PTPRK: variants seen among roughly 807,000 people sequenced by gnomAD.
PTPRK encodes the protein protein tyrosine phosphatase receptor type K.
PTPRK carries 75 observed loss-of-function variants against 178.0 expected under a neutral mutation model. That is an observed-to-expected ratio of 0.42 (90% CI 0.35 to 0.51). The LOEUF is 0.51. PTPRK is among the 20% of genes least tolerant of loss of function. The probability of loss-of-function intolerance (pLI) is 0.02; values close to 1 mark genes in which losing one functional copy is unlikely to be tolerated. For synonymous variants in PTPRK, 637 were observed against 620.6 expected (o/e 1.03, Z -0.39); for missense variants, 1,441 against 1,797.8 (o/e 0.80, Z 3.59).
intron 6 of PTPRK, among the ~76,000 whole-genome samples, chr6:128,211,537 A>G (rs1424844312): frequency 6.6e-6 from 1 of 152,144 alleles, no homozygotes; most frequent in Non-Finnish European, 1.5e-5. Context: ...ATAAATAATT[A>G]CATATTATTA....
intron 11 of PTPRK, among the ~76,000 whole-genome samples, chr6:128,068,722 A>G (rs1782276989): frequency 1.3e-5 from 2 of 150,998 alleles, no homozygotes; most frequent in South Asian, 4.1e-4. Context: ...ATGAAAGTTG[A>G]CATTATTATT....
At chr6:128,139,960 A>G (rs994794265) in intron 7 of PTPRK, among the ~76,000 whole-genome samples, 4 of 152,040 alleles carry the variant, frequency 2.6e-5, no homozygotes, top group African/African-American at 9.7e-5. Flanking sequence ...CAGGGTGCCA[A>G]CAAATGCTGG....
At chr6:128,126,314 A>G (rs1033322117) in intron 7 of PTPRK, among the ~76,000 whole-genome samples, 7 of 151,902 alleles carry the variant, frequency 4.6e-5, no homozygotes, top group Admixed American at 3.9e-4. Flanking sequence ...GCAACAGCTC[A>G]TTTCTTTTTA....
At chr6:128,113,522 T>C (rs548249568) in intron 7 of PTPRK, among the ~76,000 whole-genome samples, 52 of 151,994 alleles carry the variant, frequency 3.4e-4, no homozygotes, top group African/African-American at 1.1e-3. Context: ...GTATAACAAC[T>C]ATTTACATAC....
chr6:128,128,293 G>A (rs1793690061), intron 7 of PTPRK, among the ~76,000 whole-genome samples: 1 of 152,136 alleles, frequency 6.6e-6, no homozygotes, highest in African/African-American at 2.4e-5. Context: ...CAGACAAGGT[G>A]ATCTCGAGTC....
At chr6:128,413,094 C>T (rs1842480794) in intron 1 of PTPRK, among the ~76,000 whole-genome samples, 1 of 152,148 alleles carries the variant, frequency 6.6e-6, no homozygotes, top group African/African-American at 2.4e-5. Flanking sequence ...TCAGGAAGGG[C>T]ATTTAGTTTA....
At position 128,013,483 on chromosome 6, in the gene PTPRK, C is replaced by T. The variant is rs563833706; in HGVS notation, c.2195-4215G>A. On this transcript the variant is annotated intron_variant, in intron 13 of 29. Transcript: ENST00000368226. ...CACCTTAAGCACACCATGTCCAACC[C>T]GAACTCATAATCTTATCTCATGCCA... Among the ~76,000 whole-genome samples, 5 of 151,514 alleles carry T rather than the reference C, an allele frequency of 3.3e-5. No homozygotes were observed. The East Asian group carries it at 5.8e-4, about 18-fold the overall frequency.
intron 7 of PTPRK, among the ~76,000 whole-genome samples, chr6:128,160,881 C>A (rs368421952): frequency 6.6e-6 from 1 of 151,468 alleles, no homozygotes; most frequent in East Asian, 1.9e-4. Flanking sequence ...AAAATAGGAT[C>A]CTTTAATGCT....
intron 27 of PTPRK, among the ~76,000 whole-genome samples, chr6:127,974,538 G>C (rs1774305920): frequency 6.6e-6 from 1 of 152,212 alleles, no homozygotes; most frequent in South Asian, 2.1e-4. Context: ...ACTGAAGGCT[G>C]TGTGTCTTGG....
intron 13 of PTPRK, among the ~76,000 whole-genome samples, chr6:128,022,338 G>A (rs1441282636): frequency 6.6e-6 from 1 of 152,106 alleles, no homozygotes; most frequent in African/African-American, 2.4e-5. Flanking sequence ...GGGGGACAGA[G>A]GGGTGCTTGT....
rs1033962572 is a variant in PTPRK, at chr6:128,068,652, C to T, written c.1884-860G>A. Among the ~76,000 whole-genome samples, 5 of 151,732 alleles carry T rather than the reference C, an allele frequency of 3.3e-5. No homozygotes were observed. The South Asian group carries it at 1.0e-3, about 32-fold the overall frequency. ...AACAACTCTGAAGCTGGTATATTAA[C>T]AATATTCTTTTTTAGTAGAAAATTC... On this transcript the variant is annotated intron_variant, in intron 11 of 29. Coordinates refer to ENST00000368226, the MANE Select transcript of PTPRK (RefSeq NM_002844.4).
At chr6:128,469,918 TC>T in intron 1 of PTPRK, among the ~76,000 whole-genome samples, 1 of 152,234 alleles carries the variant, frequency 6.6e-6, no homozygotes, top group East Asian at 1.9e-4. Context: ...AAATGGATCT[TC>T]CCCTACAGAC....
intron 1 of PTPRK, among the ~76,000 whole-genome samples, chr6:128,445,200 T>TTA (rs779511665): frequency 0.017 from 2,284 of 132,368 alleles, 30 homozygotes; most frequent in East Asian, 0.049. Context: ...ACTATTTTAT[T>TTA]TATATATATA....
chr6:128,052,440 C>T (rs1779173642), intron 13 of PTPRK, among the ~76,000 whole-genome samples: 1 of 152,182 alleles, frequency 6.6e-6, no homozygotes, highest in Non-Finnish European at 1.5e-5. Flanking sequence ...TCAGCCTGCG[C>T]AGTCCAGCCT....
At chr6:128,078,217 T>G (rs1229022160) in intron 11 of PTPRK, among the ~76,000 whole-genome samples, 1 of 151,954 alleles carries the variant, frequency 6.6e-6, no homozygotes, top group Non-Finnish European at 1.5e-5. Flanking sequence ...GTTCAGTGCA[T>G]GAATATCTCA....
At chr6:128,370,943 A>G (rs1233402250) in intron 2 of PTPRK, among the ~76,000 whole-genome samples, 1 of 152,148 alleles carries the variant, frequency 6.6e-6, no homozygotes. Flanking sequence ...CAATAAGTTT[A>G]CCATGTCTTG....
intron 1 of PTPRK, among the ~76,000 whole-genome samples, chr6:128,442,291 A>C (rs1846378809): frequency 6.6e-6 from 1 of 151,914 alleles, no homozygotes; most frequent in South Asian, 2.1e-4. Context: ...TTCATTGCCT[A>C]CCTCCTTTTG....
At chr6:128,282,107 G>A (rs938030116) in intron 3 of PTPRK, among the ~76,000 whole-genome samples, 2 of 152,124 alleles carry the variant, frequency 1.3e-5, no homozygotes, top group Non-Finnish European at 2.9e-5. Context: ...TACGGTGGGG[G>A]AAACACTACT....
chr6:127,988,791 G>A (rs1401823392), intron 21 of PTPRK, among the ~76,000 whole-genome samples: 3 of 151,742 alleles, frequency 2.0e-5, no homozygotes, highest in African/African-American at 4.8e-5. Context: ...CAATAAACAA[G>A]CTTTTTCTTT....
Sources: allele counts gnomAD v4.1 joint callset (sites outside exome capture counted in the v4.1 genomes callset), GRCh38; gene constraint gnomAD v4.1.1; transcripts MANE v1.5; gene names NCBI Gene and HGNC (gene_info 2026-07-23, HGNC 2026-07-21).